LINC01488: variants seen among roughly 807,000 people sequenced by gnomAD.
LINC01488 encodes long independently transcribed non-coding RNA 1488.
intron 1 of LINC01488, among the ~76,000 whole-genome samples, chr11:69,482,938 C>T (rs765347422): frequency 4.6e-5 from 7 of 152,162 alleles, no homozygotes; most frequent in Non-Finnish European, 8.8e-5. Flanking sequence ...TGAATGAGGA[C>T]CCACCCTGGT....
chr11:69,484,094 G>GTC (rs1053010827), intron 1 of LINC01488, among the ~76,000 whole-genome samples: 2 of 152,240 alleles, frequency 1.3e-5, no homozygotes, highest in Non-Finnish European at 2.9e-5. Context: ...TACCTGCTGT[G>GTC]AGCCCTGTGT....
chr11:69,486,435 G>C (rs1441537552), intron 1 of LINC01488, among the ~76,000 whole-genome samples: 1 of 152,220 alleles, frequency 6.6e-6, no homozygotes, highest in Non-Finnish European at 1.5e-5. Flanking sequence ...ATCTCCCCAG[G>C]TGTTGCCTGA....
At chr11:69,484,975 C>A (rs1857090814) in intron 1 of LINC01488, among the ~76,000 whole-genome samples, 1 of 152,192 alleles carries the variant, frequency 6.6e-6, no homozygotes, top group African/African-American at 2.4e-5. Flanking sequence ...TACTGCTGAC[C>A]AGTAGTTTGA....
At chr11:69,483,190 T>C (rs961622133) in intron 1 of LINC01488, among the ~76,000 whole-genome samples, 26 of 152,214 alleles carry the variant, frequency 1.7e-4, no homozygotes, top group African/African-American at 6.3e-4. Context: ...GGCAGCCATC[T>C]GCTTTTCCAC....
exon 3 of LINC01488, chr11:69,491,146 A>T (rs549269496): frequency 6.6e-6 from 1 of 152,374 alleles, no homozygotes; most frequent in African/African-American, 2.4e-5. Flanking sequence ...ACACCCTGTG[A>T]TGGGGAGGGT....
intron 1 of LINC01488, among the ~76,000 whole-genome samples, chr11:69,487,609 C>T (rs1332104821): frequency 2.0e-5 from 3 of 152,170 alleles, no homozygotes; most frequent in Non-Finnish European, 2.9e-5. Context: ...CGCTGGGCCT[C>T]CCTGTGGCTG....
chr11:69,487,442 G>A (rs943469928), intron 1 of LINC01488, among the ~76,000 whole-genome samples: 2 of 152,222 alleles, frequency 1.3e-5, no homozygotes, highest in African/African-American at 2.4e-5. Context: ...TGTGAGTTGG[G>A]GGATGATGTT....
At chr11:69,482,977 A>G (rs1857063450) in intron 1 of LINC01488, among the ~76,000 whole-genome samples, 1 of 152,220 alleles carries the variant, frequency 6.6e-6, no homozygotes, top group African/African-American at 2.4e-5. Context: ...TTACATCTGT[A>G]AAGATCCTGT....
intron 1 of LINC01488, among the ~76,000 whole-genome samples, chr11:69,482,005 A>AGATGGATG (rs61662827): frequency 6.6e-6 from 1 of 150,646 alleles, no homozygotes; most frequent in South Asian, 2.1e-4. Flanking sequence ...ATGGACGGAC[A>AGATGGATG]GATGGATGGA....
chr11:69,489,669 C>T (rs765032753), intron 1 of LINC01488, among the ~76,000 whole-genome samples: 9 of 152,202 alleles, frequency 5.9e-5, no homozygotes, highest in South Asian at 2.1e-4. Flanking sequence ...GTCCATAGGC[C>T]GTAGGCTCCC....
At chr11:69,492,939 G>A (rs1485995) in exon 4 of LINC01488, 87,131 of 152,138 alleles carry the variant, frequency 0.57, 27,830 homozygotes, top group East Asian at 0.78. Context: ...GAAAGTGGCT[G>A]GGGTGGCACT....
intron 1 of LINC01488, among the ~76,000 whole-genome samples, chr11:69,483,928 C>T (rs1052177212): frequency 1.3e-5 from 2 of 152,162 alleles, no homozygotes; most frequent in Non-Finnish European, 2.9e-5. Flanking sequence ...CAAAGAAGAG[C>T]CTTTGTCTAA....
At chr11:69,489,464 C>T (rs1227836522) in intron 1 of LINC01488, among the ~76,000 whole-genome samples, 1 of 152,238 alleles carries the variant, frequency 6.6e-6, no homozygotes, top group African/African-American at 2.4e-5. Context: ...CATGCAGGGA[C>T]CCCAAACCTC....
At chr11:69,483,834 C>T (rs992516975) in intron 1 of LINC01488, among the ~76,000 whole-genome samples, 2 of 152,200 alleles carry the variant, frequency 1.3e-5, no homozygotes, top group Admixed American at 6.5e-5. Context: ...GCCCGGCTGG[C>T]GGGCAGCAAA....
intron 1 of LINC01488, among the ~76,000 whole-genome samples, chr11:69,490,064 G>A (rs898115218): frequency 4.6e-5 from 7 of 152,212 alleles, no homozygotes; most frequent in African/African-American, 1.7e-4. Flanking sequence ...CTGGAGTTTT[G>A]TTGGAGGAGC....
At chr11:69,483,810 C>G (rs775285597) in intron 1 of LINC01488, among the ~76,000 whole-genome samples, 4 of 151,688 alleles carry the variant, frequency 2.6e-5, no homozygotes, top group African/African-American at 4.8e-5. Context: ...GACAATAAAC[C>G]AAGGCCCGGG....
chr11:69,484,017 C>A (rs373955874), intron 1 of LINC01488, among the ~76,000 whole-genome samples: 2 of 152,218 alleles, frequency 1.3e-5, no homozygotes, highest in Non-Finnish European at 1.5e-5. Context: ...CGACCTCACA[C>A]GGGCAGCTCC....
exon 4 of LINC01488, chr11:69,492,689 C>G (rs934958480): frequency 6.6e-6 from 1 of 152,234 alleles, no homozygotes; most frequent in Admixed American, 6.5e-5. Flanking sequence ...CCTCCAGAAC[C>G]GTGAGATAAC....
exon 2 of LINC01488, chr11:69,490,517 T>G (rs1857204149): frequency 6.6e-6 from 1 of 152,122 alleles, no homozygotes; most frequent in African/African-American, 2.4e-5. Context: ...CTGGAAGCAT[T>G]AAAACAATGG....
Sources: gnomAD v4.1 joint callset for allele counts (sites outside exome capture counted in the v4.1 genomes callset) on GRCh38, gnomAD v4.1.1 for gene constraint, MANE v1.5 for transcripts, NCBI Gene and HGNC (gene_info 2026-07-23, HGNC 2026-07-21) for gene names.